APP: variants seen among roughly 807,000 people sequenced by gnomAD.
APP encodes the protein amyloid beta precursor protein, also known as amyloid-beta precursor protein.
A neutral mutation model predicts 101.4 loss-of-function variants in APP; 31 were observed. The ratio of observed to expected loss-of-function variants is 0.31; its 90% CI spans 0.23 to 0.41. The LOEUF is 0.41. Among genes scored for constraint, APP ranks in the 10% least tolerant of loss-of-function variants. The probability of loss-of-function intolerance (pLI) is 1.00; values close to 1 mark genes in which losing one functional copy is unlikely to be tolerated. For missense variants in APP, 839 were observed against 1,003.7 expected (o/e 0.84, Z 2.22); for synonymous variants, 366 against 364.4 (o/e 1.00, Z -0.05).
At chr21:25,941,908 G>A (rs2040593177) in intron 13 of APP, 1 of 152,216 alleles carries the variant, frequency 6.6e-6, no homozygotes, top group East Asian at 1.9e-4. Flanking sequence ...ACCTGGCTGA[G>A]AATTATTATC....
chr21:25,997,693 A>C (rs1039772806), intron 7 of APP, among the ~76,000 whole-genome samples: 1 of 152,108 alleles, frequency 6.6e-6, no homozygotes, highest in African/African-American at 2.4e-5. Flanking sequence ...TTTTGTGCCA[A>C]ATATCCCCAA....
chr21:25,894,342 G>T (rs1305058792), intron 16 of APP, among the ~76,000 whole-genome samples: 2 of 152,094 alleles, frequency 1.3e-5, no homozygotes, highest in African/African-American at 4.8e-5. Flanking sequence ...ATTTTGTAGG[G>T]CTATTCACTG....
intron 17 of APP, among the ~76,000 whole-genome samples, chr21:25,889,791 G>A (rs1255926214): frequency 1.3e-5 from 2 of 152,118 alleles, no homozygotes; most frequent in African/African-American, 4.8e-5. Flanking sequence ...AGGTTGCAGT[G>A]AGCGGAGATC....
chr21:25,966,639 TG>T (rs1220929194), intron 11 of APP, among the ~76,000 whole-genome samples: 1 of 152,226 alleles, frequency 6.6e-6, no homozygotes, highest in African/African-American at 2.4e-5. Flanking sequence ...GTCCCATATT[TG>T]CTTTGGAGAT....
chr21:26,045,340 G>A (rs951600610), intron 5 of APP, among the ~76,000 whole-genome samples: 3 of 152,096 alleles, frequency 2.0e-5, no homozygotes, highest in African/African-American at 7.2e-5. Flanking sequence ...TGTAGAACCA[G>A]TATTTGTAAG....
chr21:26,049,775 G>A (rs1422150227), intron 5 of APP, among the ~76,000 whole-genome samples: 10 of 152,142 alleles, frequency 6.6e-5, no homozygotes, highest in Admixed American at 6.5e-4. Flanking sequence ...AGGCAGGCAG[G>A]GAAAAAGAGG....
At chr21:25,900,199 C>A (rs1377121446) in intron 15 of APP, among the ~76,000 whole-genome samples, 1 of 151,902 alleles carries the variant, frequency 6.6e-6, no homozygotes, top group Non-Finnish European at 1.5e-5. Flanking sequence ...CCTTATATAA[C>A]CAGTGATTTC....
chr21:25,962,977 C>T (rs536278013), intron 11 of APP, among the ~76,000 whole-genome samples: 9 of 152,012 alleles, frequency 5.9e-5, no homozygotes, highest in African/African-American at 1.9e-4. Context: ...CTCACACCGA[C>T]CTAATTTTTG....
In APP at chr21:25,979,729, G is replaced by A. The variant is rs2042354185; in HGVS notation, c.1224+2615C>T. Among the ~76,000 whole-genome samples the A allele has an allele frequency of 2.0e-5, 3 of 151,804 alleles. No homozygotes were observed. In the South Asian group the frequency reaches 6.2e-4, roughly 32 times the overall value. On this transcript the variant is annotated intron_variant, in intron 9 of 17. Transcript: ENST00000346798. ...ACCTGTCACATCTAAAACTAACAGAGAATTTGAAATAAGTTTTCTTAATAA... is the reference window on the plus strand; with the variant it reads ...ACCTGTCACATCTAAAACTAACAGAAAATTTGAAATAAGTTTTCTTAATAA...
chr21:25,908,097 C>T (rs545417508), intron 14 of APP, among the ~76,000 whole-genome samples: 1 of 152,336 alleles, frequency 6.6e-6, no homozygotes, highest in Admixed American at 6.5e-5. Context: ...GGCTGCCCTT[C>T]TCAGGCAGTC....
intron 14 of APP, among the ~76,000 whole-genome samples, chr21:25,906,990 T>C (rs974183171): frequency 2.0e-5 from 3 of 152,228 alleles, no homozygotes; most frequent in African/African-American, 7.2e-5. Flanking sequence ...CACCACTTAC[T>C]TTCTCTGTGA....
chr21:26,141,971 T>C (rs550335342), intron 1 of APP, among the ~76,000 whole-genome samples: 1 of 152,318 alleles, frequency 6.6e-6, no homozygotes, highest in African/African-American at 2.4e-5. Flanking sequence ...CACCTCTGTA[T>C]GGCTGCAAGG....
intron 7 of APP, 143 bp downstream of exon 7, chr21:25,999,872 G>A (rs1283993369): frequency 5.3e-6 from 5 of 945,224 alleles, no homozygotes; most frequent in Non-Finnish European, 8.3e-6. Flanking sequence ...GAGACTCTGA[G>A]CAATTAGAGA....
At chr21:25,975,002 TCCCAGTGCCCCA>T in intron 11 of APP, 56 bp downstream of exon 11, 1 of 1,603,542 alleles carries the variant, frequency 6.2e-7, no homozygotes. Flanking sequence ...GGCTTCCAGT[TCCCAGTGCCCCA>T]CCCTTACTGT....
intron 5 of APP, among the ~76,000 whole-genome samples, chr21:26,039,302 A>G (rs1385829681): frequency 2.6e-5 from 4 of 152,264 alleles, no homozygotes; most frequent in Admixed American, 6.5e-5. Flanking sequence ...TGGTTTGACA[A>G]TAAGTAACAG....
intron 1 of APP, among the ~76,000 whole-genome samples, chr21:26,120,621 A>G (rs2062543912): frequency 6.6e-6 from 1 of 152,196 alleles, no homozygotes; most frequent in African/African-American, 2.4e-5. Context: ...CAATCTTTGC[A>G]ATCTTTAGAT....
intron 13 of APP, among the ~76,000 whole-genome samples, chr21:25,951,597 T>G (rs564850493): frequency 2.6e-5 from 4 of 152,316 alleles, no homozygotes; most frequent in Non-Finnish European, 5.9e-5. Flanking sequence ...AAAATTTGAT[T>G]ATATACAGAA....
At chr21:25,888,284 G>A (rs2037470253) in intron 17 of APP, among the ~76,000 whole-genome samples, 1 of 152,148 alleles carries the variant, frequency 6.6e-6, no homozygotes, top group East Asian at 1.9e-4. Context: ...TCACTTCTGT[G>A]GGTGCAGACG....
chr21:26,011,289 T>A (rs1568852036), intron 6 of APP, among the ~76,000 whole-genome samples: 1 of 152,084 alleles, frequency 6.6e-6, no homozygotes, highest in Non-Finnish European at 1.5e-5. Flanking sequence ...TTGGCCAGGT[T>A]GGCCTCAAAC....
Sources: allele counts gnomAD v4.1 joint callset (sites outside exome capture counted in the v4.1 genomes callset), GRCh38; gene constraint gnomAD v4.1.1; transcripts MANE v1.5; gene names NCBI Gene and HGNC (gene_info 2026-07-23, HGNC 2026-07-21).